The following CCDC110 variants were observed in gnomAD, a reference collection of about 807,000 sequenced individuals.
CCDC110 encodes coiled-coil domain containing 110, also known as coiled-coil domain-containing protein 110.
Under a neutral mutation model 77.1 loss-of-function variants are expected in CCDC110, and 70 were observed. The observed-to-expected ratio is 0.91, with a 90% CI of 0.75 to 1.11. CCDC110 has a LOEUF of 1.11. Ranked by LOEUF, CCDC110 falls within the 50% of genes least tolerant of loss-of-function variation. CCDC110 has a pLI of 0.00. For synonymous variants in CCDC110, 295 were observed against 312.5 expected, an observed-to-expected ratio of 0.94 and a Z score of 0.59; for missense variants, 868 against 942.9, an observed-to-expected ratio of 0.92 and a Z score of 1.04.
intron 6 of CCDC110, among the ~76,000 whole-genome samples, chr4:185,456,076 C>T (rs1006724078): frequency 2.6e-5 from 4 of 152,118 alleles, no homozygotes; most frequent in African/African-American, 9.7e-5. Context: ...TAGAACACTC[C>T]AGTTCACCTG....
chr4:185,445,614 T>C (rs531971107), intron 6 of CCDC110, 72 bp from the exon 7 acceptor site: 6 of 982,068 alleles, frequency 6.1e-6, no homozygotes, highest in African/African-American at 1.7e-5. Flanking sequence ...AAAAAGTATA[T>C]TATCAAGGTA....
intron 4 of CCDC110, among the ~76,000 whole-genome samples, chr4:185,461,596 C>G (rs187976138): frequency 6.6e-6 from 1 of 152,310 alleles, no homozygotes; most frequent in Non-Finnish European, 1.5e-5. Context: ...TATCTATACT[C>G]TAGACTTCTG....
rs555136332 is a variant in CCDC110 at position 185,449,694 on chromosome 4, A to G, written c.2462-4152T>C. ...AGATCTTAACTATGAGTAATTCACTATCAAGAGCTAATTATTTGAAAAAAT... is the reference window on the plus strand; with the variant it reads ...AGATCTTAACTATGAGTAATTCACTGTCAAGAGCTAATTATTTGAAAAAAT... On this transcript the variant is annotated intron_variant, in intron 6 of 6. Coordinates refer to ENST00000307588, the MANE Select transcript of CCDC110 (RefSeq NM_152775.4). The G allele has an allele frequency of 7.4e-5, 91 of 1,236,058 alleles. 1 individual carries two copies. In the South Asian group the frequency reaches 1.2e-3, roughly 17 times the overall value. 76.6% of individuals were successfully genotyped at this position (1,236,058 alleles called of 1,614,324 possible). A position where few individuals can be genotyped will look rare whatever the true frequency, so the allele number is the denominator to read the frequency against.
chr4:185,463,603 T>C (rs758093361), intron 2 of CCDC110, among the ~76,000 whole-genome samples: 2 of 152,190 alleles, frequency 1.3e-5, no homozygotes, highest in Non-Finnish European at 2.9e-5. Flanking sequence ...GAACACTTCT[T>C]TACCAAGGGG....
intron 2 of CCDC110, among the ~76,000 whole-genome samples, chr4:185,464,639 C>T (rs2095652274): frequency 6.6e-6 from 1 of 152,266 alleles, no homozygotes; most frequent in South Asian, 2.1e-4. Flanking sequence ...GAAGAATATA[C>T]CACCTAGAAT....
chr4:185,471,651 GC>G, intron 1 of CCDC110, 22 bp downstream of exon 1: 1 of 1,555,318 alleles, frequency 6.4e-7, no homozygotes, highest in Admixed American at 1.9e-5. Flanking sequence ...TCCCCTAGGA[GC>G]CCCGCCCCGT....
At chr4:185,452,888 CAAAAAAAAA>C (rs70962569) in intron 6 of CCDC110, among the ~76,000 whole-genome samples, 4 of 67,286 alleles carry the variant, frequency 5.9e-5, no homozygotes, top group Non-Finnish European at 1.2e-4. Flanking sequence ...GAGTGAGACT[CAAAAAAAAA>C]AAAAAAAAAA....
intron 6 of CCDC110, among the ~76,000 whole-genome samples, chr4:185,451,462 T>TA (rs1226343253): frequency 6.6e-6 from 1 of 152,216 alleles, no homozygotes; most frequent in Non-Finnish European, 1.5e-5. Context: ...ATGGTACAGA[T>TA]AATTTTTACA....
At chr4:185,462,568 T>G in intron 4 of CCDC110, 75 bp downstream of exon 4, 1 of 1,105,686 alleles carries the variant, frequency 9.0e-7, no homozygotes, top group Non-Finnish European at 1.4e-6. Flanking sequence ...ATCCATTGGC[T>G]AGTGACCATC....
intron 2 of CCDC110, among the ~76,000 whole-genome samples, chr4:185,466,484 G>C (rs2095656374): frequency 6.6e-6 from 1 of 152,214 alleles, no homozygotes; most frequent in South Asian, 2.1e-4. Context: ...GTGGAGATTG[G>C]TGGGCATGGA....
chr4:185,448,172 C>G (rs746179729), intron 6 of CCDC110, among the ~76,000 whole-genome samples: 14 of 152,030 alleles, frequency 9.2e-5, no homozygotes, highest in African/African-American at 2.7e-4. Context: ...AGGCGCCCAC[C>G]ACCACGCCCA....
At chr4:185,447,282 C>T (rs775118972) in intron 6 of CCDC110, among the ~76,000 whole-genome samples, 2 of 151,806 alleles carry the variant, frequency 1.3e-5, no homozygotes, top group Non-Finnish European at 2.9e-5. Flanking sequence ...GCCGGGTTCA[C>T]GCCATTCTCC....
Position 185,471,434 on chromosome 4 carries a change from C to T in CCDC110, c.10+240G>A, listed in dbSNP as rs1159176373. On this transcript the variant is annotated intron_variant, in intron 1 of 6. Transcript: ENST00000307588. ...CGCGGCGCTTTCCGCAAGCGGCCAC[C>T]CGAGGGCGCGCTGGGCGGGCGGCGG... 5 of 480,004 alleles carry T rather than the reference C, an allele frequency of 1.0e-5. No individual in the cohort carries two copies. The East Asian group carries it at 1.1e-4, about 11-fold the overall frequency. 29.7% of individuals were successfully genotyped at this position (480,004 alleles called of 1,614,324 possible).
chr4:185,460,000 T>C lies in CCDC110; in HGVS notation c.587A>G (p.Asn196Ser). Reference sequence around the variant, plus strand: ...TAGAAAACGATAAAAGTTATTATAATTCTTCAAGATGTCAGAATTTTCTGA... The same window carrying C: ...TAGAAAACGATAAAAGTTATTATAACTCTTCAAGATGTCAGAATTTTCTGA... ...HPSENSDILK[N>S]YNNFYRFLPT... The change falls in exon 6 of 7, where the codon AAT becomes AGT. Residue 196 changes from asparagine to serine, a missense_variant. Asn to Ser is a conservative substitution (Grantham distance 46, BLOSUM62 1). Transcript: ENST00000307588. 6.2e-7 allele frequency: 1 copy of C among 1,613,388 alleles called. No homozygotes were observed. The highest frequency in any genetic ancestry group is 8.5e-7 in the Non-Finnish European group (1 of 1,179,620).
intron 2 of CCDC110, among the ~76,000 whole-genome samples, chr4:185,469,295 C>T (rs894456499): frequency 6.6e-6 from 1 of 152,190 alleles, no homozygotes; most frequent in Non-Finnish European, 1.5e-5. Flanking sequence ...TCCTGGGTGG[C>T]CCCTGACTCA....
chr4:185,461,114 C>T lies in CCDC110; in HGVS notation c.283G>A (p.Val95Ile), dbSNP rs756735707. The T allele has an allele frequency of 1.3e-6, 2 of 1,598,366 alleles. No homozygotes were observed. Among genetic ancestry groups the T allele is most frequent in the South Asian group, 2.3e-5 (2 of 87,964 alleles). ...SEILNKSIIE[V>I]ENPQFSSEKN... is the part of the protein sequence containing the mutation. ...TCTGAGCTAAATTGTGGGTTTTCTA[C>T]TTCAATAATACTTTTGTTCAATATT... The change falls in exon 5 of 7, where the codon GTA becomes ATA. Residue 95 changes from valine (V) to isoleucine (I), a missense_variant. Val to Ile is a conservative substitution (Grantham distance 29). Transcript: ENST00000307588.
chr4:185,461,240 A>G lies in CCDC110; in HGVS notation c.238-81T>C, dbSNP rs534606112. 227 of 682,026 alleles carry G rather than the reference A, an allele frequency of 3.3e-4. No individual in the cohort carries two copies. In the African/African-American group the frequency reaches 3.8e-3, roughly 11 times the overall value. 42.2% of individuals were successfully genotyped at this position (682,026 alleles called of 1,614,324 possible). A position where few individuals can be genotyped will look rare whatever the true frequency, so the allele number is the denominator to read the frequency against. ...ACAGGAATAATAGACATTATAATTA[A>G]AAGGTGTGTTTAAATTTCCTGCCCA... On this transcript the variant is annotated intron_variant, in intron 4 of 6. Coordinates refer to ENST00000307588, the MANE Select transcript of CCDC110 (RefSeq NM_152775.4).
chr4:185,456,279 AAAAG>A (rs1162105546), intron 6 of CCDC110, among the ~76,000 whole-genome samples: 2 of 152,252 alleles, frequency 1.3e-5, no homozygotes, highest in Non-Finnish European at 2.9e-5. Context: ...TCACAAGTGA[AAAAG>A]AAAGTATTTT....
At chr4:185,447,586 C>T (rs1324074893) in intron 6 of CCDC110, among the ~76,000 whole-genome samples, 4 of 152,284 alleles carry the variant, frequency 2.6e-5, no homozygotes, top group Admixed American at 6.5e-5. Flanking sequence ...GTGTCACTAG[C>T]GTTAACTACA....
Sources: gnomAD v4.1 joint callset for allele counts (sites outside exome capture counted in the v4.1 genomes callset) on GRCh38, gnomAD v4.1.1 for gene constraint, MANE v1.5 for transcripts, NCBI Gene and HGNC (gene_info 2026-07-23, HGNC 2026-07-21) for gene names.